INPP4B: variants seen among roughly 807,000 people sequenced by gnomAD.
INPP4B encodes the protein inositol polyphosphate 4-phosphatase type II.
In INPP4B, 55 loss-of-function variants were observed where a neutral mutation model predicts 122.5. The ratio of observed to expected loss-of-function variants is 0.45; its 90% CI spans 0.36 to 0.56. The LOEUF is 0.56. Ranked by LOEUF, INPP4B falls within the 20% of genes least tolerant of loss-of-function variation. The pLI, the probability that INPP4B is intolerant of heterozygous loss-of-function variation, is 0.00. For missense variants in INPP4B, 1,000 were observed against 1,097.7 expected (o/e 0.91, Z 1.26); for synonymous variants, 403 against 388.7 (o/e 1.04, Z -0.43).
chr4:142,175,971 C>T (rs1030977882), intron 15 of INPP4B, among the ~76,000 whole-genome samples: 2 of 151,944 alleles, frequency 1.3e-5, no homozygotes, highest in African/African-American at 4.8e-5. Flanking sequence ...TCCCTCTTTG[C>T]AGGTCTGCTA....
At chr4:142,220,000 T>C (rs1329132227) in intron 12 of INPP4B, among the ~76,000 whole-genome samples, 1 of 152,210 alleles carries the variant, frequency 6.6e-6, no homozygotes, top group Non-Finnish European at 1.5e-5. Context: ...AAATGTTCAG[T>C]AGCCACATGA....
intron 2 of INPP4B, among the ~76,000 whole-genome samples, chr4:142,567,775 T>C (rs1451298487): frequency 6.6e-6 from 1 of 152,066 alleles, no homozygotes; most frequent in East Asian, 1.9e-4. Context: ...AGAATGTGAG[T>C]TCATTACATA....
chr4:142,454,138 C>T (rs555427697), intron 3 of INPP4B, among the ~76,000 whole-genome samples: 72 of 152,108 alleles, frequency 4.7e-4, no homozygotes, highest in Admixed American at 6.6e-4. Flanking sequence ...TTCCCATCTT[C>T]TTAATCTCAA....
At chr4:142,226,742 T>C (rs1163322191) in intron 12 of INPP4B, among the ~76,000 whole-genome samples, 1 of 152,164 alleles carries the variant, frequency 6.6e-6, no homozygotes, top group Non-Finnish European at 1.5e-5. Flanking sequence ...AATATGAGTA[T>C]GGGGAACAGC....
At chr4:142,355,105 A>C (rs998451132) in intron 7 of INPP4B, among the ~76,000 whole-genome samples, 2 of 151,954 alleles carry the variant, frequency 1.3e-5, no homozygotes, top group Non-Finnish European at 2.9e-5. Context: ...TGGACTTTTT[A>C]TATGATTCTG....
Position 142,208,299 on chromosome 4 carries a change from G to A in INPP4B, c.1072+126C>T, listed in dbSNP as rs1579291468. The A allele has an allele frequency of 8.7e-6, 4 of 460,216 alleles. No individual in the cohort carries two copies. In the South Asian group the frequency reaches 2.1e-4, roughly 24 times the overall value. The allele number at this position is 460,216 out of a possible 1,614,324, so 28.5% of individuals were successfully genotyped here. On this transcript the variant is annotated intron_variant, in intron 14 of 25. Transcript: ENST00000262992. ...TAACAGAATTTAGGGTCATTATGAGGTTCAACTGTTTCATTTTCAACTTTA... is the reference window on the plus strand; with the variant it reads ...TAACAGAATTTAGGGTCATTATGAGATTCAACTGTTTCATTTTCAACTTTA...
intron 25 of INPP4B, among the ~76,000 whole-genome samples, chr4:142,050,947 TAA>T (rs1283131634): frequency 1.3e-5 from 2 of 151,976 alleles, no homozygotes; most frequent in African/African-American, 4.8e-5. Context: ...AGATAATTAT[TAA>T]AGAGATTATC....
At chr4:142,529,957 T>TA (rs1474115970) in intron 2 of INPP4B, among the ~76,000 whole-genome samples, 1 of 152,098 alleles carries the variant, frequency 6.6e-6, no homozygotes. Flanking sequence ...ATCTAGAAGT[T>TA]ACGTATGCTA....
At chr4:142,473,948 G>T (rs1560698855) in intron 2 of INPP4B, among the ~76,000 whole-genome samples, 1 of 152,098 alleles carries the variant, frequency 6.6e-6, no homozygotes, top group East Asian at 2.0e-4. Context: ...GACAATGCTT[G>T]CTAGTTTCTG....
chr4:142,031,822 A>T (rs1333589341), intron 25 of INPP4B, among the ~76,000 whole-genome samples: 1 of 152,164 alleles, frequency 6.6e-6, no homozygotes, highest in Non-Finnish European at 1.5e-5. Flanking sequence ...CATTTCTTCA[A>T]CCCAAAGTTT....
chr4:142,241,764 G>A lies in INPP4B; in HGVS notation c.689-3753C>T, dbSNP rs1027743109. 2.0e-5 allele frequency among the ~76,000 whole-genome samples: 3 copies of A among 152,182 alleles called. No individual in the cohort carries two copies. In the South Asian group the frequency reaches 6.2e-4, roughly 32 times the overall value. ...AAACAAAGGTATGCTAGGAATATCAGTGGGTTGACTGGACAAGAAATTTTG... is the reference window on the plus strand; with the variant it reads ...AAACAAAGGTATGCTAGGAATATCAATGGGTTGACTGGACAAGAAATTTTG... On this transcript the variant is annotated intron_variant, in intron 11 of 25. Coordinates refer to ENST00000262992, the MANE Select transcript of INPP4B (RefSeq NM_001101669.3).
At chr4:142,640,013 T>A (rs1750031824) in intron 2 of INPP4B, among the ~76,000 whole-genome samples, 1 of 152,116 alleles carries the variant, frequency 6.6e-6, no homozygotes, top group South Asian at 2.1e-4. Flanking sequence ...TAGCTTATCA[T>A]AATTCAGTAA....
At chr4:142,243,177 C>G (rs1435224887) in intron 11 of INPP4B, among the ~76,000 whole-genome samples, 1 of 152,172 alleles carries the variant, frequency 6.6e-6, no homozygotes, top group Non-Finnish European at 1.5e-5. Flanking sequence ...CCTTTATGTT[C>G]TTCCACAAAA....
intron 14 of INPP4B, among the ~76,000 whole-genome samples, chr4:142,198,030 T>G (rs1368538534): frequency 7.2e-5 from 11 of 152,252 alleles, no homozygotes; most frequent in African/African-American, 1.9e-4. Context: ...GTGTTCACAT[T>G]GTAGATGTTT....
chr4:142,692,914 T>TATGGATAGATAGATAGATAG (rs139962549), intron 2 of INPP4B, among the ~76,000 whole-genome samples: 71 of 148,238 alleles, frequency 4.8e-4, no homozygotes, highest in African/African-American at 1.8e-3. Context: ...GGCTAGTCTC[T>TATGGATAGATAGATAGATAG]ATAGATAGAT....
intron 2 of INPP4B, among the ~76,000 whole-genome samples, chr4:142,510,525 C>T (rs1021266455): frequency 3.3e-5 from 5 of 152,304 alleles, no homozygotes; most frequent in African/African-American, 1.2e-4. Flanking sequence ...CTCTTTTGCA[C>T]ATAGCTTGAA....
intron 2 of INPP4B, among the ~76,000 whole-genome samples, chr4:142,500,869 G>A (rs1037819212): frequency 3.3e-5 from 5 of 152,094 alleles, no homozygotes; most frequent in African/African-American, 1.2e-4. Flanking sequence ...GTTGCCAGGG[G>A]TTAGGGTAAG....
chr4:142,056,893 C>A (rs577143729), intron 25 of INPP4B, among the ~76,000 whole-genome samples: 39 of 152,216 alleles, frequency 2.6e-4, no homozygotes, highest in African/African-American at 9.4e-4. Flanking sequence ...TAGGGAGACA[C>A]CAACTTTTGA....
chr4:142,799,274 A>G (rs958854870), intron 1 of INPP4B, among the ~76,000 whole-genome samples: 8 of 151,888 alleles, frequency 5.3e-5, no homozygotes, highest in Admixed American at 3.9e-4. Flanking sequence ...CATCGGTCTC[A>G]ATATATTTTG....
Sources: allele counts gnomAD v4.1 joint callset (sites outside exome capture counted in the v4.1 genomes callset), GRCh38; gene constraint gnomAD v4.1.1; transcripts MANE v1.5; gene names NCBI Gene and HGNC (gene_info 2026-07-23, HGNC 2026-07-21).